Variants in TF observed in about 807,000 individuals in gnomAD.
The protein encoded by TF is transferrin, also known as serotransferrin.
In TF, 55 loss-of-function variants were observed where a neutral mutation model predicts 82.4. That is an observed-to-expected ratio of 0.67 (90% confidence interval 0.54 to 0.84). The LOEUF (loss-of-function observed/expected upper bound fraction) is 0.84. Among genes scored for constraint, TF ranks in the 40% least tolerant of loss-of-function variants. The probability of loss-of-function intolerance (pLI) is 0.00; values close to 1 mark genes in which losing one functional copy is unlikely to be tolerated. For synonymous variants in TF, 332 were observed against 332.6 expected (o/e 1.00, Z 0.02); for missense variants, 737 against 868.4 (o/e 0.85, Z 1.90).
chr3:133,749,881 G>T (rs1218766343), intron 2 of TF, among the ~76,000 whole-genome samples: 3 of 152,044 alleles, frequency 2.0e-5, no homozygotes, highest in African/African-American at 7.2e-5. Flanking sequence ...ATGAGGGAGG[G>T]GAGAACGCAG....
the TF span, chr3:133,662,116 T>A: frequency 6.6e-6 from 1 of 152,194 alleles, no homozygotes; most frequent in East Asian, 1.9e-4. Context: ...GCGGGCCTAG[T>A]CTCCGCTGCG....
the TF span, among the ~76,000 whole-genome samples, chr3:133,665,256 C>T: frequency 6.6e-6 from 1 of 151,946 alleles, no homozygotes; most frequent in Non-Finnish European, 1.5e-5. Context: ...TGCTTGAGCC[C>T]CAGACTTTGA....
At chr3:133,707,031 C>T in the TF span, among the ~76,000 whole-genome samples, 2 of 152,168 alleles carry the variant, frequency 1.3e-5, no homozygotes, top group African/African-American at 4.8e-5. Context: ...AGAAACAACC[C>T]TAACTGCTTC....
the TF span, among the ~76,000 whole-genome samples, chr3:133,736,874 A>G: frequency 6.6e-6 from 1 of 152,114 alleles, no homozygotes; most frequent in Non-Finnish European, 1.5e-5. Flanking sequence ...ATAGTGGGAG[A>G]CTTTAACACC....
At chr3:133,772,793 G>A (rs1463544576) in intron 14 of TF, 2 of 152,122 alleles carry the variant, frequency 1.3e-5, no homozygotes, top group Non-Finnish European at 2.9e-5. Context: ...TTGATGTATT[G>A]TAAGTTTGGG....
At position 133,789,861 on chromosome 3, in the gene TF, C is replaced by T. The variant is rs1484809629; in HGVS notation, c.*11241C>T. On this transcript the variant is annotated 3_prime_UTR_variant, in exon 17 of 17. Transcript: ENST00000402696. ...TATAAAACTATAAACCCAGCCAAAA[C>T]AAAACGATCTCGTTTGCGTTTTTTT... The T allele has an allele frequency of 8.7e-6, 1 of 114,778 alleles. No homozygotes were observed. Among genetic ancestry groups the T allele is most frequent in the Non-Finnish European group, 1.7e-5 (1 of 57,538 alleles). The allele number at this position is 114,778 out of a possible 1,614,324, so 7.1% of individuals were successfully genotyped here. A position where few individuals can be genotyped will look rare whatever the true frequency, so the allele number is the denominator to read the frequency against.
chr3:133,776,311 C>T (rs1035528206), intron 15 of TF, among the ~76,000 whole-genome samples: 1 of 152,192 alleles, frequency 6.6e-6, no homozygotes, highest in African/African-American at 2.4e-5. Flanking sequence ...GGGGGAACAA[C>T]CACTCAGGGC....
chr3:133,677,787 G>A, the TF span, among the ~76,000 whole-genome samples: 2 of 151,856 alleles, frequency 1.3e-5, no homozygotes, highest in African/African-American at 2.4e-5. Flanking sequence ...AGGCTCAAGC[G>A]ATCCTCCTAT....
chr3:133,692,443 T>C, the TF span, among the ~76,000 whole-genome samples: 86 of 152,224 alleles, frequency 5.6e-4, no homozygotes, highest in Non-Finnish European at 2.8e-4. Flanking sequence ...AGAAAAGCCC[T>C]CAGGAAGAAG....
the TF span, among the ~76,000 whole-genome samples, chr3:133,740,550 C>T: frequency 1.1e-4 from 16 of 152,176 alleles, no homozygotes; most frequent in East Asian, 2.7e-3. Context: ...AAGCTGGTCT[C>T]GAACTCCTGA....
At chr3:133,719,073 A>G in the TF span, among the ~76,000 whole-genome samples, 1 of 152,232 alleles carries the variant, frequency 6.6e-6, no homozygotes, top group Non-Finnish European at 1.5e-5. Context: ...TGTGCTCAGC[A>G]TTCTTAAAAA....
In TF at chr3:133,778,841, A is replaced by T. The variant is rs577525800; in HGVS notation, c.*221A>T. 149 of 459,570 alleles carry T rather than the reference A, an allele frequency of 3.2e-4. 2 individuals are homozygous for T. Among genetic ancestry groups the T allele is most frequent in the South Asian group, 2.3e-3 (107 of 46,824 alleles). The allele number at this position is 459,570 out of a possible 1,614,324, so 28.5% of individuals were successfully genotyped here. A position where few individuals can be genotyped will look rare whatever the true frequency, so the allele number is the denominator to read the frequency against. ...TTTTCAACAAAGGATTTCTTTATGC[A>T]TTCTGCCTAAATACCTATGCAACTG... On this transcript the variant is annotated 3_prime_UTR_variant, in exon 17 of 17. Coordinates refer to ENST00000402696, the MANE Select transcript of TF (RefSeq NM_001063.4).
At chr3:133,732,606 C>T in the TF span, among the ~76,000 whole-genome samples, 8 of 152,202 alleles carry the variant, frequency 5.3e-5, no homozygotes, top group East Asian at 1.3e-3. Context: ...TCCACACTAC[C>T]TTTATGAGCT....
Position 133,757,891 on chromosome 3 carries a change from G to C in TF, c.993G>C (p.Lys331Asn). 1 of 1,614,238 alleles carries C rather than the reference G, an allele frequency of 6.2e-7. No individual in the cohort carries two copies. The highest frequency in any genetic ancestry group is 8.5e-7 in the Non-Finnish European group (1 of 1,180,046). Reference protein sequence around the residue: ...FLKVPPRMDAKMYLGYEYVTA... With the variant: ...FLKVPPRMDANMYLGYEYVTA... ...AAGTCCCCCCCAGGATGGATGCCAA[G>C]ATGTACCTGGGCTATGAGTATGTCA... Residue 331 changes from lysine to asparagine, a missense_variant, in exon 8 of 17, where the codon AAG becomes AAC. Lys to Asn is a moderately conservative substitution (Grantham distance 94). Transcript: ENST00000402696.
At chr3:133,760,544 C>G (rs1238278246) in intron 9 of TF, 1 of 152,294 alleles carries the variant, frequency 6.6e-6, no homozygotes, top group Non-Finnish European at 1.5e-5. Context: ...CAATATTATA[C>G]TCTGGATGTG....
intron 9 of TF, among the ~76,000 whole-genome samples, chr3:133,763,880 C>T (rs868535205): frequency 2.6e-5 from 4 of 152,194 alleles, no homozygotes; most frequent in African/African-American, 7.2e-5. Context: ...AGAAATGTGT[C>T]GTAGGAGTGT....
At chr3:133,693,094 G>A in the TF span, among the ~76,000 whole-genome samples, 87 of 152,238 alleles carry the variant, frequency 5.7e-4, no homozygotes, top group Non-Finnish European at 1.1e-3. Flanking sequence ...CTGGGTGTGT[G>A]CACCAGCAAC....
chr3:133,776,338 A>T (rs1934389175), intron 15 of TF, among the ~76,000 whole-genome samples: 1 of 152,236 alleles, frequency 6.6e-6, no homozygotes, highest in Non-Finnish European at 1.5e-5. Context: ...TGTTGAAGAC[A>T]GGGGCTGCCT....
At chr3:133,759,428 C>A (rs1933928043) in intron 9 of TF, 99 bp downstream of exon 9, 1 of 1,513,860 alleles carries the variant, frequency 6.6e-7, no homozygotes, top group Non-Finnish European at 9.1e-7. Context: ...GATGCAAAAA[C>A]CTGGCTCCCA....
Sources: allele counts gnomAD v4.1 joint callset (sites outside exome capture counted in the v4.1 genomes callset), GRCh38; gene constraint gnomAD v4.1.1; transcripts MANE v1.5; gene names NCBI Gene and HGNC (gene_info 2026-07-23, HGNC 2026-07-21).